The following TRERF1 variants were observed in gnomAD, a reference collection of about 807,000 sequenced individuals.
TRERF1 encodes transcriptional regulating factor 1.
TRERF1 carries 27 observed loss-of-function variants against 122.9 expected under a neutral mutation model. The observed-to-expected ratio is 0.22, with a 90% CI of 0.16 to 0.30. TRERF1 has a LOEUF of 0.30. TRERF1 is among the 10% of genes least tolerant of loss of function. TRERF1 has a pLI of 1.00. For synonymous variants in TRERF1, 636 were observed against 641.7 expected, an observed-to-expected ratio of 0.99 and a Z score of 0.13; for missense variants, 1,248 against 1,560.3, an observed-to-expected ratio of 0.80 and a Z score of 3.37.
At chr6:42,315,717 C>CG (rs1554164214) in intron 3 of TRERF1, among the ~76,000 whole-genome samples, 1 of 145,064 alleles carries the variant, frequency 6.9e-6, no homozygotes, top group African/African-American at 2.6e-5. Context: ...CCCCCCCCCC[C>CG]ACCCACTGCC....
At position 42,269,166 on chromosome 6, in the gene TRERF1, T is replaced by C. The variant is rs1779791413; in HGVS notation, c.425A>G (p.Lys142Arg). 1 of 1,614,104 alleles carries C rather than the reference T, an allele frequency of 6.2e-7. No homozygotes were observed. The highest frequency in any genetic ancestry group is 1.3e-5 in the African/African-American group (1 of 74,918). Residue 142 changes from lysine to arginine, a missense_variant, in exon 5 of 18, where the codon AAG becomes AGG. Lys to Arg is a conservative substitution (Grantham distance 26). Around this residue, in one of 5 missense-constraint regions of TRERF1, gnomAD observed 946 missense variants for 1,073.0 expected, o/e 0.88. Coordinates refer to ENST00000372922, the Ensembl canonical transcript of TRERF1. The surrounding 1 kb of genome is among the most constrained non-coding windows in gnomAD (Gnocchi z 4.9). The stretch of plus-strand genomic sequence containing the variant: ...AAACACCTGGGTGAAAGAGTCCAGC[T>C]TGTGTAAGACACCGCTGGTAAGCTT...
intron 2 of TRERF1, among the ~76,000 whole-genome samples, chr6:42,431,306 G>C (rs1242811322): frequency 6.6e-6 from 1 of 152,076 alleles, no homozygotes; most frequent in Admixed American, 6.6e-5. Context: ...AAAAGGGAAG[G>C]TGGGTAGGTA....
intron 3 of TRERF1, among the ~76,000 whole-genome samples, chr6:42,362,577 C>T (rs964027854): frequency 1.3e-5 from 2 of 152,214 alleles, no homozygotes; most frequent in East Asian, 1.9e-4. Context: ...GATAAAAACG[C>T]GAGGAATGCC....
Position 42,395,260 on chromosome 6 carries a change from A to G in TRERF1, c.-453-32181T>C, listed in dbSNP as rs371713932. Among the ~76,000 whole-genome samples, 40 of 152,342 alleles carry G rather than the reference A, an allele frequency of 2.6e-4. 1 individual carries two copies. In the East Asian group the frequency reaches 5.6e-3, roughly 21 times the overall value. ...CATCTAAATGTACAGCTCTATGGCT[A>G]AAGCCCAGATGCCCCACCCACCTCC... On this transcript the variant is annotated intron_variant, in intron 2 of 17. Transcript: ENST00000372922.
chr6:42,442,415 T>C (rs989684031), intron 2 of TRERF1, among the ~76,000 whole-genome samples: 6 of 152,124 alleles, frequency 3.9e-5, no homozygotes, highest in African/African-American at 1.4e-4. Context: ...TCCAGGGCCC[T>C]GTTATCTCCA....
chr6:42,423,642 T>C (rs1217928543), intron 2 of TRERF1, among the ~76,000 whole-genome samples: 2 of 152,118 alleles, frequency 1.3e-5, no homozygotes, highest in African/African-American at 4.8e-5. Context: ...ACATTCGTGG[T>C]AATAAGAAAA....
chr6:42,345,276 T>C (rs2150754862), intron 3 of TRERF1, among the ~76,000 whole-genome samples: 1 of 152,380 alleles, frequency 6.6e-6, no homozygotes. Context: ...TCCTGTAAGT[T>C]TGTAAAGCAA....
In TRERF1 at chr6:42,375,663, C is replaced by T. The variant is rs1038359300; in HGVS notation, c.-453-12584G>A. Among the ~76,000 whole-genome samples the T allele has an allele frequency of 7.2e-5, 11 of 152,308 alleles. No individual in the cohort carries two copies. The South Asian group carries it at 1.4e-3, about 20-fold the overall frequency. Reference sequence around the variant, plus strand: ...ATGAAGGAGGAAGGCTACACACTGACTGACTAAAGAGGATTCTCAAAGATG... The same window carrying T: ...ATGAAGGAGGAAGGCTACACACTGATTGACTAAAGAGGATTCTCAAAGATG... On this transcript the variant is annotated intron_variant, in intron 2 of 17. Transcript: ENST00000372922.
In TRERF1 at chr6:42,232,239, C is replaced by G. The variant is rs530675818; in HGVS notation, c.3278+442G>C. On this transcript the variant is annotated intron_variant, in intron 17 of 17. Transcript: ENST00000372922. The surrounding 1 kb of genome is among the most constrained non-coding windows in gnomAD (Gnocchi z 4.5). Reference sequence around the variant, plus strand: ...ATTGATTAGTGATGTCTGCCTTAGTCACAGAAGTAAGCGAAGGTGGTAGGA... The same window carrying G: ...ATTGATTAGTGATGTCTGCCTTAGTGACAGAAGTAAGCGAAGGTGGTAGGA... 9.8e-5 allele frequency among the ~76,000 whole-genome samples: 15 copies of G among 152,312 alleles called. 1 individual carries two copies. The South Asian group carries it at 3.1e-3, about 32-fold the overall frequency.
At chr6:42,414,372 T>C (rs1781540041) in intron 2 of TRERF1, among the ~76,000 whole-genome samples, 2 of 152,228 alleles carry the variant, frequency 1.3e-5, no homozygotes, top group Non-Finnish European at 2.9e-5. Flanking sequence ...GTTCACAGCT[T>C]TCAGGCCTCT....
chr6:42,350,164 CAA>C (rs1769139213), intron 3 of TRERF1, among the ~76,000 whole-genome samples: 1 of 152,156 alleles, frequency 6.6e-6, no homozygotes, highest in Admixed American at 6.5e-5. Flanking sequence ...TCAGTGAATG[CAA>C]AAGAGGCCTC....
At position 42,259,445 on chromosome 6, in the gene TRERF1, C is replaced by T. The variant is rs201484047; in HGVS notation, c.2163G>A (p.Ser721=). ...AGATGAGGACATTGCTGAAGAGCCC[C>T]GAGCCCTGGCGCACCGGGCTCAGCA... The change falls in exon 9 of 18, where the codon TCG becomes TCA. Residue 721 remains serine (S), a synonymous_variant. Coordinates refer to ENST00000372922, the Ensembl canonical transcript of TRERF1. This position sits in a 1 kb window ranked among gnomAD's most constrained non-coding sequence, Gnocchi z 4.9. The T allele has an allele frequency of 3.4e-4, 547 of 1,599,312 alleles. No homozygotes were observed. Among genetic ancestry groups the T allele is most frequent in the Non-Finnish European group, 4.3e-4 (501 of 1,176,570 alleles).
chr6:42,353,448 C>G (rs562391936), intron 3 of TRERF1, among the ~76,000 whole-genome samples: 7 of 151,858 alleles, frequency 4.6e-5, no homozygotes, highest in Admixed American at 4.6e-4. Context: ...ATCAGCTAGG[C>G]GTGGTGGCGG....
In TRERF1 at chr6:42,296,647, C is replaced by T. The variant is rs948390787; in HGVS notation, c.-259+3991G>A. On this transcript the variant is annotated intron_variant, in intron 4 of 17. Transcript: ENST00000372922. ...AGCCCAAAAGCCAAACCACTGTGCT[C>T]TGTAGACTCCCCTCCAATGAAAGGC... Among the ~76,000 whole-genome samples the T allele has an allele frequency of 1.1e-4, 17 of 152,178 alleles. 2 individuals carry two copies. In the South Asian group the frequency reaches 3.5e-3, roughly 32 times the overall value.
intron 2 of TRERF1, among the ~76,000 whole-genome samples, chr6:42,385,533 A>G (rs533159645): frequency 2.0e-5 from 3 of 152,316 alleles, no homozygotes; most frequent in Admixed American, 2.0e-4. Context: ...ACTTTCGATA[A>G]TGCCTCCAAG....
intron 3 of TRERF1, among the ~76,000 whole-genome samples, chr6:42,342,823 C>T (rs1025059802): frequency 1.3e-5 from 2 of 152,222 alleles, no homozygotes; most frequent in African/African-American, 2.4e-5. Flanking sequence ...CACATGGTGG[C>T]CCCTCAAGTG....
intron 2 of TRERF1, among the ~76,000 whole-genome samples, chr6:42,445,644 G>GAAAC (rs954422789): frequency 6.6e-6 from 1 of 151,846 alleles, no homozygotes; most frequent in Non-Finnish European, 1.5e-5. Context: ...TTCATCTCAG[G>GAAAC]AAACAGCACC....
chr6:42,401,453 A>C (rs1244472112), intron 2 of TRERF1, among the ~76,000 whole-genome samples: 1 of 152,188 alleles, frequency 6.6e-6, no homozygotes, highest in Non-Finnish European at 1.5e-5. Flanking sequence ...CCAATTCAGG[A>C]AAATTGTTAT....
At chr6:42,310,010 T>C (rs949682909) in intron 3 of TRERF1, among the ~76,000 whole-genome samples, 1 of 152,178 alleles carries the variant, frequency 6.6e-6, no homozygotes, top group African/African-American at 2.4e-5. Flanking sequence ...GCAATCTGCC[T>C]GTCTTGCCTC....
Sources: allele counts gnomAD v4.1 joint callset (sites outside exome capture counted in the v4.1 genomes callset), GRCh38; gene constraint gnomAD v4.1.1; regional missense constraint gnomAD v4.1.1; non-coding constraint Gnocchi (gnomAD v3.1); transcripts MANE v1.5; gene names NCBI Gene and HGNC (gene_info 2026-07-23, HGNC 2026-07-21).